The following ACYP2 variants were observed in gnomAD, a reference collection of about 807,000 sequenced individuals.
ACYP2 encodes acylphosphatase-2.
A neutral mutation model predicts 11.2 loss-of-function variants in ACYP2; 12 were observed. That is an observed-to-expected ratio of 1.08 (90% CI 0.69 to 1.74). ACYP2 has a LOEUF of 1.74. ACYP2 is among the 40% of genes most tolerant of loss of function. ACYP2 has a pLI of 0.00. For missense variants in ACYP2, 134 were observed against 101.9 expected (o/e 1.31, Z -1.35); for synonymous variants, 43 against 32.2 (o/e 1.33, Z -1.13).
chr2:54,178,332 G>A (rs1683556590), intron 6 of ACYP2, among the ~76,000 whole-genome samples: 1 of 152,058 alleles, frequency 6.6e-6, no homozygotes, highest in African/African-American at 2.4e-5. Context: ...TTATATTATG[G>A]CTGGACCGTG....
intron 6 of ACYP2, among the ~76,000 whole-genome samples, chr2:54,258,431 C>T (rs918124782): frequency 3.9e-5 from 6 of 152,054 alleles, no homozygotes; most frequent in Admixed American, 2.0e-4. Flanking sequence ...AGGAGGCCAG[C>T]GTGACTGGAG....
chr2:54,025,368 G>T (rs1394612746), intron 2 of ACYP2, among the ~76,000 whole-genome samples: 3 of 152,118 alleles, frequency 2.0e-5, no homozygotes, highest in Non-Finnish European at 4.4e-5. Flanking sequence ...GCATGGTATT[G>T]GCATAAAAAT....
chr2:54,178,293 C>T (rs1326278073), intron 6 of ACYP2, among the ~76,000 whole-genome samples: 1 of 152,136 alleles, frequency 6.6e-6, no homozygotes, highest in East Asian at 1.9e-4. Context: ...CCATTGAAAA[C>T]TTCCAATAAA....
intron 6 of ACYP2, among the ~76,000 whole-genome samples, chr2:54,148,066 A>T (rs180956540): frequency 1.3e-5 from 2 of 152,290 alleles, no homozygotes; most frequent in East Asian, 3.9e-4. Context: ...CCTCATGGTC[A>T]AAAAAGGAAA....
At chr2:54,108,636 G>C (rs772536218) in intron 4 of ACYP2, among the ~76,000 whole-genome samples, 1 of 151,806 alleles carries the variant, frequency 6.6e-6, no homozygotes, top group African/African-American at 2.4e-5. Flanking sequence ...TTTTTCCCCC[G>C]AGTTGGTGGC....
chr2:54,181,824 G>C (rs908408280), intron 6 of ACYP2, among the ~76,000 whole-genome samples: 1 of 152,040 alleles, frequency 6.6e-6, no homozygotes, highest in Admixed American at 6.6e-5. Context: ...CTCCTGACTA[G>C]TAGTAATGAA....
intron 6 of ACYP2, among the ~76,000 whole-genome samples, chr2:54,285,944 G>A (rs1027957382): frequency 1.3e-5 from 2 of 152,166 alleles, no homozygotes; most frequent in African/African-American, 2.4e-5. Context: ...TGTCATACCT[G>A]TCCTGGACTG....
intron 6 of ACYP2, among the ~76,000 whole-genome samples, chr2:54,158,346 T>C (rs1261422335): frequency 6.6e-6 from 1 of 151,856 alleles, no homozygotes; most frequent in Non-Finnish European, 1.5e-5. Flanking sequence ...CCGGCCTGCT[T>C]TTCTTATTTT....
intron 2 of ACYP2, among the ~76,000 whole-genome samples, chr2:54,037,083 T>C (rs1674939772): frequency 6.6e-6 from 1 of 152,210 alleles, no homozygotes; most frequent in Non-Finnish European, 1.5e-5. Flanking sequence ...AGAGAAAAAC[T>C]CCTTTAGAAA....
intron 6 of ACYP2, among the ~76,000 whole-genome samples, chr2:54,201,666 CTT>C (rs749643614): frequency 1.1e-5 from 1 of 93,578 alleles, no homozygotes. Flanking sequence ...TTCTTTCTTT[CTT>C]TCTTTCTTTC....
chr2:54,026,781 T>C (rs1320483201), intron 2 of ACYP2, among the ~76,000 whole-genome samples: 3 of 152,288 alleles, frequency 2.0e-5, no homozygotes, highest in Admixed American at 2.0e-4. Context: ...TTGAAGACCA[T>C]TATTTTAAAT....
intron 6 of ACYP2, among the ~76,000 whole-genome samples, chr2:54,299,309 A>C (rs115706628): frequency 0.011 from 1,731 of 152,092 alleles, 37 homozygotes; most frequent in African/African-American, 0.039. Context: ...AAAACCTAAG[A>C]CTGGCCGGGC....
intron 4 of ACYP2, among the ~76,000 whole-genome samples, chr2:54,071,732 C>A (rs948400995): frequency 6.6e-6 from 1 of 152,052 alleles, no homozygotes; most frequent in South Asian, 2.1e-4. Context: ...GACGTTAGGC[C>A]GGGTGTGGTG....
chr2:54,045,770 C>T (rs932140572), intron 2 of ACYP2, among the ~76,000 whole-genome samples: 1 of 151,640 alleles, frequency 6.6e-6, no homozygotes, highest in Non-Finnish European at 1.5e-5. Context: ...GAGCCAAAAT[C>T]ACGCCACTGC....
chr2:54,284,843 T>G (rs1433050573), intron 6 of ACYP2, among the ~76,000 whole-genome samples: 2 of 152,216 alleles, frequency 1.3e-5, no homozygotes, highest in Non-Finnish European at 2.9e-5. Flanking sequence ...CCAAATCCAG[T>G]GATCAGTTCT....
At chr2:54,179,963 A>G (rs1364202241) in intron 6 of ACYP2, among the ~76,000 whole-genome samples, 1 of 152,152 alleles carries the variant, frequency 6.6e-6, no homozygotes, top group Admixed American at 6.5e-5. Flanking sequence ...TAAGCCCTAG[A>G]AATCAGTAGC....
intron 2 of ACYP2, among the ~76,000 whole-genome samples, chr2:53,992,031 C>CTTCA (rs1672322463): frequency 6.6e-6 from 1 of 151,750 alleles, no homozygotes; most frequent in South Asian, 2.1e-4. Flanking sequence ...TCTTTCCCTC[C>CTTCA]TTCCTTCCTC....
At chr2:54,103,631 G>A (rs928266834) in intron 4 of ACYP2, among the ~76,000 whole-genome samples, 7 of 152,134 alleles carry the variant, frequency 4.6e-5, no homozygotes, top group African/African-American at 1.7e-4. Context: ...CTGTGGCCCA[G>A]TTTTCTCATC....
intron 6 of ACYP2, among the ~76,000 whole-genome samples, chr2:54,179,883 G>C (rs922385584): frequency 1.3e-5 from 2 of 152,150 alleles, no homozygotes; most frequent in Non-Finnish European, 2.9e-5. Context: ...ATTCAAGATG[G>C]AATTTTTCTA....
Sources: gnomAD v4.1 joint callset for allele counts (sites outside exome capture counted in the v4.1 genomes callset) on GRCh38, gnomAD v4.1.1 for gene constraint, MANE v1.5 for transcripts, NCBI Gene and HGNC (gene_info 2026-07-23, HGNC 2026-07-21) for gene names.